The following PCDH7 variants were observed in gnomAD, a reference collection of about 807,000 sequenced individuals.
PCDH7 encodes protocadherin 7, also known as protocadherin-7.
Under a neutral mutation model 58.9 loss-of-function variants are expected in PCDH7, and 17 were observed. The observed-to-expected ratio is 0.29, with a 90% CI of 0.20 to 0.43. The LOEUF (loss-of-function observed/expected upper bound fraction) is 0.43, where lower values mean the gene tolerates loss of function less well. PCDH7 is among the 20% of genes least tolerant of loss of function. PCDH7 has a pLI of 1.00. For missense variants in PCDH7, 1,274 were observed against 1,441.0 expected (o/e 0.88, Z 1.88); for synonymous variants, 664 against 616.4 (o/e 1.08, Z -1.14).
intron 3 of PCDH7, among the ~76,000 whole-genome samples, chr4:30,991,645 A>G (rs1255621918): frequency 6.6e-6 from 1 of 152,170 alleles, no homozygotes; most frequent in African/African-American, 2.4e-5. Flanking sequence ...TTTTTAATTT[A>G]GTATTTGAAA....
intron 3 of PCDH7, among the ~76,000 whole-genome samples, chr4:31,047,798 T>G (rs1756405498): frequency 6.6e-6 from 1 of 152,126 alleles, no homozygotes; most frequent in South Asian, 2.1e-4. Context: ...GATCATTTTC[T>G]TCCTTGAGGC....
intron 3 of PCDH7, among the ~76,000 whole-genome samples, chr4:31,119,342 A>T (rs1316952494): frequency 1.3e-5 from 2 of 152,140 alleles, no homozygotes; most frequent in Non-Finnish European, 2.9e-5. Context: ...GTCTGTAACC[A>T]TTGAGAGTCA....
At chr4:31,142,101 A>C (rs537598443) in intron 3 of PCDH7, among the ~76,000 whole-genome samples, 8 of 152,338 alleles carry the variant, frequency 5.3e-5, no homozygotes, top group African/African-American at 1.9e-4. Context: ...ATTTGGATTT[A>C]ATAATTTTTC....
At chr4:30,776,619 C>T (rs1009101142) in intron 1 of PCDH7, among the ~76,000 whole-genome samples, 2 of 151,986 alleles carry the variant, frequency 1.3e-5, no homozygotes, top group African/African-American at 4.8e-5. Context: ...TTCCTGAGAC[C>T]GTTTCTTCAG....
intron 3 of PCDH7, among the ~76,000 whole-genome samples, chr4:31,096,083 A>C (rs1713937331): frequency 6.6e-6 from 1 of 152,136 alleles, no homozygotes; most frequent in South Asian, 2.1e-4. Context: ...ACCTAATTTC[A>C]CTGATAAGAT....
intron 1 of PCDH7, among the ~76,000 whole-genome samples, chr4:30,788,493 C>G (rs1723703267): frequency 6.6e-6 from 1 of 151,790 alleles, no homozygotes; most frequent in African/African-American, 2.4e-5. Flanking sequence ...AAATTATAAG[C>G]CAACAAACTG....
At chr4:31,007,016 A>G (rs1470797318) in intron 3 of PCDH7, among the ~76,000 whole-genome samples, 6 of 152,218 alleles carry the variant, frequency 3.9e-5, no homozygotes, top group African/African-American at 1.2e-4. Flanking sequence ...GGCCCTGCTA[A>G]CCATCTAGGG....
intron 1 of PCDH7, among the ~76,000 whole-genome samples, chr4:30,900,609 T>C (rs986448670): frequency 6.6e-6 from 1 of 152,170 alleles, no homozygotes; most frequent in African/African-American, 2.4e-5. Context: ...TGCATGGAAG[T>C]CCCAGGACAG....
At chr4:30,906,303 A>T (rs1740915890) in intron 1 of PCDH7, among the ~76,000 whole-genome samples, 1 of 152,156 alleles carries the variant, frequency 6.6e-6, no homozygotes, top group African/African-American at 2.4e-5. Context: ...AGTAAATATC[A>T]CCTATTAAAA....
At chr4:30,872,285 C>T (rs779965960) in intron 1 of PCDH7, among the ~76,000 whole-genome samples, 3 of 152,030 alleles carry the variant, frequency 2.0e-5, no homozygotes, top group Non-Finnish European at 4.4e-5. Context: ...GATCAGAAAA[C>T]TTTTTCTGTA....
At chr4:30,831,580 G>T (rs1729782660) in intron 1 of PCDH7, among the ~76,000 whole-genome samples, 1 of 152,032 alleles carries the variant, frequency 6.6e-6, no homozygotes, top group African/African-American at 2.4e-5. Context: ...ACTATTCTTA[G>T]CGGATTAATA....
chr4:31,027,585 A>G (rs6818048), intron 3 of PCDH7, among the ~76,000 whole-genome samples: 53,397 of 151,548 alleles, frequency 0.35, 12,060 homozygotes, highest in African/African-American at 0.63. Flanking sequence ...ACCACGCCCA[A>G]CTAATTTTTG....
chr4:30,989,647 G>A (rs1751286233), intron 3 of PCDH7, among the ~76,000 whole-genome samples: 1 of 152,114 alleles, frequency 6.6e-6, no homozygotes, highest in Non-Finnish European at 1.5e-5. Flanking sequence ...CTACTTTTAG[G>A]CAATGTTTTG....
chr4:31,036,577 G>A (rs138631577), intron 3 of PCDH7, among the ~76,000 whole-genome samples: 81 of 152,152 alleles, frequency 5.3e-4, no homozygotes, highest in African/African-American at 1.7e-3. Flanking sequence ...GGTCAACTTG[G>A]CAAATTACAA....
exon 1 of PCDH7, chr4:30,724,138 T>G: frequency 2.5e-6 from 4 of 1,613,734 alleles, no homozygotes; most frequent in Non-Finnish European, 3.4e-6. Context: ...GTACTGCAGG[T>G]CCAAAAATAA....
intron 1 of PCDH7, among the ~76,000 whole-genome samples, chr4:30,876,617 C>G (rs972463042): frequency 1.3e-5 from 2 of 151,696 alleles, no homozygotes; most frequent in Non-Finnish European, 2.9e-5. Context: ...TACTTTAGAC[C>G]TCAGGGAATG....
chr4:30,875,202 T>C (rs1736137655), intron 1 of PCDH7, among the ~76,000 whole-genome samples: 1 of 152,088 alleles, frequency 6.6e-6, no homozygotes, highest in African/African-American at 2.4e-5. Flanking sequence ...GAACCTCTCT[T>C]CTTGGTTTGT....
intron 3 of PCDH7, among the ~76,000 whole-genome samples, chr4:30,986,281 G>A (rs1465727288): frequency 6.6e-6 from 1 of 151,742 alleles, no homozygotes; most frequent in African/African-American, 2.4e-5. Flanking sequence ...TTAATATTCA[G>A]GTCTGTCCTT....
intron 3 of PCDH7, among the ~76,000 whole-genome samples, chr4:31,085,979 C>G (rs1482268684): frequency 6.6e-6 from 1 of 151,896 alleles, no homozygotes; most frequent in Non-Finnish European, 1.5e-5. Flanking sequence ...TAAAGAATGC[C>G]AGGAAGTAAC....
Sources: allele counts gnomAD v4.1 joint callset (sites outside exome capture counted in the v4.1 genomes callset), GRCh38; gene constraint gnomAD v4.1.1; transcripts MANE v1.5; gene names NCBI Gene and HGNC (gene_info 2026-07-23, HGNC 2026-07-21).